The following FBXO24 variants were observed in gnomAD, a reference collection of about 807,000 sequenced individuals.
FBXO24 encodes the protein F-box only protein 24.
A neutral mutation model predicts 63.5 loss-of-function variants in FBXO24; 30 were observed. That is an observed-to-expected ratio of 0.47 (90% CI 0.35 to 0.64). FBXO24 has a LOEUF of 0.64. FBXO24 is among the 30% of genes least tolerant of loss of function. The probability of loss-of-function intolerance (pLI) is 0.00; values close to 1 mark genes in which losing one functional copy is unlikely to be tolerated. For synonymous variants in FBXO24, 300 were observed against 305.0 expected, an observed-to-expected ratio of 0.98 and a Z score of 0.17; for missense variants, 624 against 763.4, an observed-to-expected ratio of 0.82 and a Z score of 2.15.
chr7:100,586,754 G>A, intron 1 of FBXO24, 90 bp downstream of exon 1: 1 of 1,435,972 alleles, frequency 7.0e-7, no homozygotes, highest in Non-Finnish European at 9.8e-7. Context: ...TGGCGAGTGC[G>A]AGCTGGACGT....
chr7:100,590,275 A>G lies in FBXO24; in HGVS notation c.240A>G (p.Arg80=). 1 of 1,614,058 alleles carries G rather than the reference A, an allele frequency of 6.2e-7. No individual in the cohort carries two copies. The highest frequency in any genetic ancestry group is 8.5e-7 in the Non-Finnish European group (1 of 1,180,000). The change falls in exon 3 of 10, where the codon AGA becomes AGG. Residue 80 remains arginine (R), a synonymous_variant. Coordinates refer to ENST00000241071, the MANE Select transcript of FBXO24 (RefSeq NM_033506.3). ...HEVCDGEGVW[R]RICRRLSPRL... ...TGTGCGATGGGGAAGGCGTGTGGAG[A>G]CGCATCTGTCGCAGACTCAGTCCGC...
intron 1 of FBXO24, among the ~76,000 whole-genome samples, chr7:100,588,801 C>T (rs79803051): frequency 0.033 from 5,040 of 152,290 alleles, 108 homozygotes; most frequent in Middle Eastern, 0.092. Context: ...ATGTTACTGT[C>T]CCTCAGGAAA....
rs765479444 is a variant in FBXO24, at chr7:100,591,727, T to C, written c.383T>C (p.Val128Ala). The change falls in exon 4 of 10, where the codon GTG (valine) becomes GCG (alanine). Residue 128 changes from valine to alanine, a missense_variant. Around this residue, in one of 3 missense-constraint regions of FBXO24, gnomAD observed 391 missense variants for 469.1 expected, o/e 0.83. Coordinates refer to ENST00000241071, the MANE Select transcript of FBXO24 (RefSeq NM_033506.3). ...GGRRRCLSKS[V>A]APLLAHGYRR... ...CGCCGCCGATGTCTCAGCAAGAGCG[T>C]GGCCCCCTTGCTAGCCCACGGCTAC... 6.2e-7 allele frequency: 1 copy of C among 1,614,246 alleles called. No individual in the cohort carries two copies. Among genetic ancestry groups the C allele is most frequent in the Non-Finnish European group, 8.5e-7 (1 of 1,180,042 alleles).
At chr7:100,591,938 T>A in intron 4 of FBXO24, 36 bp downstream of exon 4, 1 of 1,599,378 alleles carries the variant, frequency 6.3e-7, no homozygotes, top group South Asian at 1.1e-5. Context: ...AGAGCCCACC[T>A]GTATTAGTCC....
At position 100,590,402 on chromosome 7, in the gene FBXO24, C is replaced by A. The variant is rs747367739; in HGVS notation, c.322+45C>A. On this transcript the variant is annotated intron_variant, in intron 3 of 9. Transcript: ENST00000241071. ...TCCCGTTCTCCTTGCCTCTGTCCCG[C>A]CTTAGCCTTCCTGCTCTCTAAAGTC... 3.2e-6 allele frequency: 5 copies of A among 1,558,328 alleles called. No individual in the cohort carries two copies. In the East Asian group the frequency reaches 6.8e-5, roughly 21 times the overall value.
intron 1 of FBXO24, among the ~76,000 whole-genome samples, chr7:100,589,121 G>A (rs903709160): frequency 2.0e-5 from 3 of 152,040 alleles, no homozygotes; most frequent in African/African-American, 7.2e-5. Flanking sequence ...GTTAGCCACC[G>A]GCACCAGGCT....
chr7:100,586,544 A>G lies in FBXO24; in HGVS notation c.-82A>G. ...ATCGTAAGCCAGATACAGGCGAGTG[A>G]CTGTCAAGAAGGCCAATTAGAGCCT... On this transcript the variant is annotated 5_prime_UTR_variant, in exon 1 of 10. Coordinates refer to ENST00000241071, the MANE Select transcript of FBXO24 (RefSeq NM_033506.3). The G allele has an allele frequency of 2.8e-6, 4 of 1,408,444 alleles. No individual in the cohort carries two copies. The East Asian group carries it at 9.1e-5, about 32-fold the overall frequency. 87.2% of individuals were successfully genotyped at this position (1,408,444 alleles called of 1,614,324 possible).
At chr7:100,590,118 G>A in intron 2 of FBXO24, 43 bp downstream of exon 2, 15 of 1,607,082 alleles carry the variant, frequency 9.3e-6, no homozygotes, top group Non-Finnish European at 1.1e-5. Context: ...AGGATTGGGG[G>A]CCAGATCACC....
rs1480210612 is a variant in FBXO24, at chr7:100,595,196, G to A, written c.1047G>A (p.Met349Ile). 3 of 1,614,144 alleles carry A rather than the reference G, an allele frequency of 1.9e-6. No homozygotes were observed. In the East Asian group the frequency reaches 6.7e-5, roughly 36 times the overall value. ...CCTTTGACCCCCTGGACCAGCAGAT[G>A]CCGCTTGCTCTCTCACTGCCTGCCA... is the stretch of plus-strand genomic sequence containing the variant. ...LQAFDPLDQQ[M>I]PLALSLPAKI... Residue 349 changes from methionine to isoleucine, a missense_variant, in exon 7 of 10, where the codon ATG (methionine) becomes ATA (isoleucine). Coordinates refer to ENST00000241071, the MANE Select transcript of FBXO24 (RefSeq NM_033506.3).
chr7:100,595,464 A>G, intron 7 of FBXO24, 111 bp from the exon 8 acceptor site: 1 of 1,338,158 alleles, frequency 7.5e-7, no homozygotes. Context: ...TAAAATATAT[A>G]TATAGAAAGA....
Position 100,600,843 on chromosome 7 carries a change from C to T in FBXO24, c.1687C>T (p.Leu563=), listed in dbSNP as rs377427820. The T allele has an allele frequency of 1.9e-6, 3 of 1,613,844 alleles. No individual in the cohort carries two copies. The highest frequency in any genetic ancestry group is 2.2e-5 in the East Asian group (1 of 44,894). The part of the protein sequence containing the change: ...KDFFWEALDM[L]QRAEGGGGGV... ...CTTCTTCTGGGAGGCCCTGGACATGCTGCAGAGGGCTGAAGGAGGCGGGGG... is the reference window on the plus strand; with the variant it reads ...CTTCTTCTGGGAGGCCCTGGACATGTTGCAGAGGGCTGAAGGAGGCGGGGG... The change falls in exon 10 of 10, where the codon CTG becomes TTG. Residue 563 remains leucine, a synonymous_variant. Transcript: ENST00000241071. This position sits in a 1 kb window ranked among gnomAD's most constrained non-coding sequence, Gnocchi z 6.3.
chr7:100,591,706 G>A lies in FBXO24; in HGVS notation c.362G>A (p.Arg121His), dbSNP rs770422214. 16 of 1,614,058 alleles carry A rather than the reference G, an allele frequency of 9.9e-6. No individual in the cohort carries two copies. Among genetic ancestry groups the A allele is most frequent in the Admixed American group, 1.7e-5 (1 of 59,998 alleles). Residue 121 changes from arginine to histidine, a missense_variant, in exon 4 of 10, where the codon CGC becomes CAC. Arg to His is a conservative substitution (Grantham distance 29). Around this residue, in one of 3 missense-constraint regions of FBXO24, gnomAD observed 391 missense variants for 469.1 expected, o/e 0.83. Transcript: ENST00000241071. Reference protein sequence around the residue: ...GLYFQAFGGRRRCLSKSVAPL... With the variant: ...GLYFQAFGGRHRCLSKSVAPL... ...TATTTCCAGGCATTTGGAGGCCGCCGCCGATGTCTCAGCAAGAGCGTGGCC... is the reference window on the plus strand; with the variant it reads ...TATTTCCAGGCATTTGGAGGCCGCCACCGATGTCTCAGCAAGAGCGTGGCC...
intron 8 of FBXO24, among the ~76,000 whole-genome samples, chr7:100,596,592 G>C (rs1802319334): frequency 6.6e-6 from 1 of 152,148 alleles, no homozygotes; most frequent in Non-Finnish European, 1.5e-5. Flanking sequence ...AGGAGGCCAA[G>C]GAGGGGAGCC....
At chr7:100,592,398 C>T in intron 4 of FBXO24, 1 of 261,778 alleles carries the variant, frequency 3.8e-6, no homozygotes, top group Non-Finnish European at 7.4e-6. Flanking sequence ...TACATGGCAG[C>T]AGGCGAGAGC....
rs1359607554 is a variant in FBXO24 at position 100,601,001 on chromosome 7, TA to T, written c.*103del. On this transcript the variant is annotated 3_prime_UTR_variant, in exon 10 of 10. Transcript: ENST00000241071. ...GCACATGCGTGTGGGAAGGGGTTGC[TA>T]GGGGGTGGGGACGGCTAACCAGGGT... 6.0e-6 allele frequency: 9 copies of T among 1,491,344 alleles called. No individual in the cohort carries two copies. Among genetic ancestry groups the T allele is most frequent in the South Asian group, 1.3e-5 (1 of 74,988 alleles). 92.4% of individuals were successfully genotyped at this position (1,491,344 alleles called of 1,614,324 possible). A position where few individuals can be genotyped will look rare whatever the true frequency, so the allele number is the denominator to read the frequency against.
chr7:100,592,473 C>T (rs978829675), intron 4 of FBXO24, among the ~76,000 whole-genome samples: 10 of 152,130 alleles, frequency 6.6e-5, no homozygotes, highest in African/African-American at 2.4e-4. Flanking sequence ...CCCACTATCA[C>T]GAAAACAACA....
intron 3 of FBXO24, 126 bp from the exon 4 acceptor site, chr7:100,591,541 T>C (rs1802027574): frequency 1.3e-6 from 1 of 776,422 alleles, no homozygotes. Flanking sequence ...GGGGTCTGTT[T>C]GTTCCCCTGT....
chr7:100,594,601 A>T lies in FBXO24; in HGVS notation c.952+60A>T. ...CCTTGGTTAGACCCTCTAAACATCA[A>T]CACCCTTCACCCTTACTCCAGCTGC... On this transcript the variant is annotated intron_variant, in intron 6 of 9. Transcript: ENST00000241071. This position sits in a 1 kb window ranked among gnomAD's most constrained non-coding sequence, Gnocchi z 4.2. 3 of 1,444,156 alleles carry T rather than the reference A, an allele frequency of 2.1e-6. No homozygotes were observed. The South Asian group carries it at 4.3e-5, about 21-fold the overall frequency. The allele number at this position is 1,444,156 out of a possible 1,614,324, so 89.5% of individuals were successfully genotyped here. A position where few individuals can be genotyped will look rare whatever the true frequency, so the allele number is the denominator to read the frequency against.
intron 7 of FBXO24, 97 bp downstream of exon 7, chr7:100,595,320 G>T: frequency 6.3e-7 from 1 of 1,579,958 alleles, no homozygotes; most frequent in South Asian, 1.1e-5. Flanking sequence ...ATCCAGAGGG[G>T]CAGGGGATCC....
Sources: gnomAD v4.1 joint callset for allele counts (sites outside exome capture counted in the v4.1 genomes callset) on GRCh38, gnomAD v4.1.1 for gene constraint, gnomAD v4.1.1 regional missense constraint, Gnocchi (gnomAD v3.1) non-coding constraint, MANE v1.5 for transcripts, NCBI Gene and HGNC (gene_info 2026-07-23, HGNC 2026-07-21) for gene names.